The following SHANK2 variants were observed in gnomAD, a reference collection of about 807,000 sequenced individuals.
SHANK2 encodes the protein SH3 and multiple ankyrin repeat domains 2.
A neutral mutation model predicts 133.7 loss-of-function variants in SHANK2; 43 were observed. That is an observed-to-expected ratio of 0.32 (90% CI 0.25 to 0.41). The LOEUF (loss-of-function observed/expected upper bound fraction) is 0.41. SHANK2 is among the 10% of genes least tolerant of loss of function. The pLI is 1.00. For missense variants in SHANK2, 1,994 were observed against 2,235.8 expected (o/e 0.89, Z 2.18); for synonymous variants, 1,017 against 952.8 (o/e 1.07, Z -1.24).
chr11:70,822,523 A>G (rs1166380614), intron 11 of SHANK2, among the ~76,000 whole-genome samples: 7 of 151,692 alleles, frequency 4.6e-5, no homozygotes, highest in African/African-American at 1.7e-4. Flanking sequence ...GGCAGAGTTC[A>G]TGAGGGACAG....
chr11:70,952,566 C>G (rs1187101280), intron 10 of SHANK2: 1 of 208,130 alleles, frequency 4.8e-6, no homozygotes, highest in Non-Finnish European at 1.0e-5. Context: ...GGAGCTAGTA[C>G]CCGTCTCAGT....
chr11:71,239,511 G>A (rs1280134934), intron 1 of SHANK2, among the ~76,000 whole-genome samples: 2 of 152,038 alleles, frequency 1.3e-5, no homozygotes, highest in Non-Finnish European at 2.9e-5. Flanking sequence ...CCAGGCTGGA[G>A]TGCATTGGCA....
At chr11:71,116,374 GTATACAC>G (rs1951978564) in intron 4 of SHANK2, among the ~76,000 whole-genome samples, 1 of 152,244 alleles carries the variant, frequency 6.6e-6, no homozygotes, top group South Asian at 2.1e-4. Flanking sequence ...AACCCAACAC[GTATACAC>G]TGCAGGAAAC....
intron 3 of SHANK2, among the ~76,000 whole-genome samples, chr11:71,136,438 T>A (rs1469564070): frequency 6.6e-6 from 1 of 152,146 alleles, no homozygotes; most frequent in African/African-American, 2.4e-5. Context: ...AGCTAAATAA[T>A]GTGTGTGCAG....
At chr11:71,071,006 A>G (rs1951135021) in intron 9 of SHANK2, among the ~76,000 whole-genome samples, 1 of 152,250 alleles carries the variant, frequency 6.6e-6, no homozygotes, top group Admixed American at 6.5e-5. Context: ...AAATGTGTTA[A>G]CCTTTTCTAA....
chr11:70,910,732 G>A (rs781883819), intron 10 of SHANK2, among the ~76,000 whole-genome samples: 1 of 151,940 alleles, frequency 6.6e-6, no homozygotes, highest in Non-Finnish European at 1.5e-5. Flanking sequence ...ACTTGAACCC[G>A]GGAGGCAGAG....
chr11:71,225,889 C>T (rs572752837), intron 1 of SHANK2, among the ~76,000 whole-genome samples: 3 of 152,310 alleles, frequency 2.0e-5, no homozygotes, highest in Non-Finnish European at 2.9e-5. Context: ...TTTGGGAGGC[C>T]GAGGTGTGTG....
intron 6 of SHANK2, among the ~76,000 whole-genome samples, chr11:71,108,333 A>C (rs1555098349): frequency 6.6e-6 from 1 of 152,066 alleles, no homozygotes. Flanking sequence ...CACGCCCTCC[A>C]TCGCACCACC....
intron 14 of SHANK2, among the ~76,000 whole-genome samples, chr11:70,760,260 A>G (rs1222748270): frequency 6.6e-6 from 1 of 152,226 alleles, no homozygotes; most frequent in African/African-American, 2.4e-5. Context: ...CAATGCATTC[A>G]GCATAAAGCC....
intron 17 of SHANK2, among the ~76,000 whole-genome samples, chr11:70,573,226 T>C (rs2060068750): frequency 1.0e-5 from 1 of 95,556 alleles, no homozygotes; most frequent in African/African-American, 4.0e-5. Context: ...ACTGCAGCGG[T>C]GGGGGCGGGG....
In SHANK2 at chr11:70,830,882, G is replaced by A. The variant is rs1406621494; in HGVS notation, c.1175-10200C>T. 2.0e-5 allele frequency among the ~76,000 whole-genome samples: 3 copies of A among 152,162 alleles called. No individual in the cohort carries two copies. Among genetic ancestry groups the A allele is most frequent in the African/African-American group, 4.8e-5 (2 of 41,446 alleles). On this transcript the variant is annotated intron_variant, in intron 11 of 25. Coordinates refer to ENST00000601538, the MANE Select transcript of SHANK2 (RefSeq NM_012309.5). This position sits in a 1 kb window ranked among gnomAD's most constrained non-coding sequence, Gnocchi z 4.4. ...CTGCTGCACCCACATAGGTTTCCAC[G>A]CATTGGAGCCCAAATGCCCACAGCA...
intron 17 of SHANK2, among the ~76,000 whole-genome samples, chr11:70,613,075 G>C (rs1471775789): frequency 4.6e-5 from 7 of 152,236 alleles, no homozygotes; most frequent in Admixed American, 3.9e-4. Flanking sequence ...CCACGTGGGA[G>C]AATGTGTCAG....
chr11:70,471,072 T>G lies in SHANK2; in HGVS notation c.*1797A>C. ...ATAGTATTATTAAATCACAAAAGTTTTTTTTTCTTTAACTTTCTAGCACTG... is the reference window on the plus strand; with the variant it reads ...ATAGTATTATTAAATCACAAAAGTTGTTTTTTCTTTAACTTTCTAGCACTG... On this transcript the variant is annotated 3_prime_UTR_variant, in exon 26 of 26. Transcript: ENST00000601538. This position sits in a 1 kb window ranked among gnomAD's most constrained non-coding sequence, Gnocchi z 4.1. The G allele has an allele frequency of 2.6e-6, 1 of 388,470 alleles. No individual in the cohort carries two copies. The highest frequency in any genetic ancestry group is 6.5e-4 in the Middle Eastern group (1 of 1,548). The allele number at this position is 388,470 out of a possible 1,614,324, so 24.1% of individuals were successfully genotyped here. A position where few individuals can be genotyped will look rare whatever the true frequency, so the allele number is the denominator to read the frequency against.
At chr11:71,130,992 T>A (rs1245505043) in intron 3 of SHANK2, among the ~76,000 whole-genome samples, 1 of 152,232 alleles carries the variant, frequency 6.6e-6, no homozygotes, top group African/African-American at 2.4e-5. Flanking sequence ...ACGGTTTCTG[T>A]CATCATCAAG....
intron 17 of SHANK2, among the ~76,000 whole-genome samples, chr11:70,599,401 A>G (rs11559635): frequency 7.0e-6 from 1 of 142,214 alleles, no homozygotes; most frequent in East Asian, 2.3e-4. Flanking sequence ...AGGTCAGGAG[A>G]TCGAGACCAT....
chr11:71,148,336 G>A lies in SHANK2; in HGVS notation c.-12-998C>T, dbSNP rs1236723395. Among the ~76,000 whole-genome samples the A allele has an allele frequency of 6.6e-5, 10 of 152,284 alleles. 1 individual carries two copies. Among genetic ancestry groups the A allele is most frequent in the African/African-American group, 4.8e-5 (2 of 41,556 alleles). ...CAACCTCAGGTGATCCACCCGCCTT[G>A]GCCTCCCAAAGTACTGGGATTACAG... On this transcript the variant is annotated intron_variant, in intron 2 of 25. Transcript: ENST00000601538.
intron 17 of SHANK2, among the ~76,000 whole-genome samples, chr11:70,608,980 G>A (rs114808299): frequency 9.2e-5 from 14 of 152,350 alleles, no homozygotes; most frequent in East Asian, 1.9e-4. Flanking sequence ...CTCGCTCCTC[G>A]CTTAGCCATG....
intron 4 of SHANK2, among the ~76,000 whole-genome samples, chr11:71,118,202 C>G (rs1555100736): frequency 6.6e-6 from 1 of 152,016 alleles, no homozygotes; most frequent in South Asian, 2.1e-4. Flanking sequence ...AGCAAGATTT[C>G]TCTGCAGGGA....
rs553871348 is a variant in SHANK2 at position 70,563,831 on chromosome 11, T to C, written c.2062-60900A>G. 2.1e-4 allele frequency among the ~76,000 whole-genome samples: 32 copies of C among 152,350 alleles called. No homozygotes were observed. The South Asian group carries it at 6.6e-3, about 32-fold the overall frequency. On this transcript the variant is annotated intron_variant, in intron 17 of 25. Coordinates refer to ENST00000601538, the MANE Select transcript of SHANK2 (RefSeq NM_012309.5). The stretch of plus-strand genomic sequence containing the variant: ...ATATTCTTTATAGTGTACCTGCTGG[T>C]GATGAATGATTAAACCTTTTGTATT...
Sources: allele counts gnomAD v4.1 joint callset (sites outside exome capture counted in the v4.1 genomes callset), GRCh38; gene constraint gnomAD v4.1.1; non-coding constraint Gnocchi (gnomAD v3.1); transcripts MANE v1.5; gene names NCBI Gene and HGNC (gene_info 2026-07-23, HGNC 2026-07-21).